NHSL3: variants seen among roughly 807,000 people sequenced by gnomAD.
NHSL3 encodes the protein NHS like 3.
At chr1:32,771,358 C>G in the NHSL3 span, 1 of 1,592,132 alleles carries the variant, frequency 6.3e-7, no homozygotes, top group Non-Finnish European at 8.6e-7. Flanking sequence ...CTCCAAAGAC[C>G]AGTCACCCCC....
chr1:32,757,295 G>A, the NHSL3 span, among the ~76,000 whole-genome samples: 1 of 152,074 alleles, frequency 6.6e-6, no homozygotes, highest in East Asian at 1.9e-4. Flanking sequence ...CAAGGGAGGA[G>A]TCTACAAAAG....
chr1:32,772,776 G>A, the NHSL3 span: 4 of 1,271,604 alleles, frequency 3.1e-6, no homozygotes, highest in South Asian at 2.4e-5. Flanking sequence ...CGGTAAGAAG[G>A]TTGGGTGAGG....
chr1:32,765,660 G>T, the NHSL3 span: 1 of 1,533,026 alleles, frequency 6.5e-7, no homozygotes, highest in Non-Finnish European at 8.7e-7. Context: ...CTGCGGCGGG[G>T]CGGGAGGGCT....
chr1:32,768,549 T>A, the NHSL3 span: 6 of 1,430,230 alleles, frequency 4.2e-6, no homozygotes, highest in East Asian at 1.4e-4. Flanking sequence ...GAGCCAAGAT[T>A]TCGCTACTGC....
chr1:32,768,241 A>AGG, the NHSL3 span: 1 of 768,784 alleles, frequency 1.3e-6, no homozygotes. Flanking sequence ...ATGAACCCTG[A>AGG]GGGCTAGTTC....
At chr1:32,742,461 C>G in the NHSL3 span, among the ~76,000 whole-genome samples, 28 of 152,366 alleles carry the variant, frequency 1.8e-4, 1 homozygote, top group South Asian at 5.8e-3. Context: ...TAGCCCGACT[C>G]CAGGGCGGTG....
the NHSL3 span, chr1:32,770,234 C>T: frequency 2.1e-5 from 34 of 1,604,376 alleles, no homozygotes; most frequent in Admixed American, 3.4e-5. This position sits in a 1 kb window ranked among gnomAD's most constrained non-coding sequence, Gnocchi z 8.3. Context: ...ACCTACCTGT[C>T]GAAGTTGATT....
the NHSL3 span, among the ~76,000 whole-genome samples, chr1:32,756,959 G>A: frequency 7.2e-5 from 11 of 152,140 alleles, no homozygotes; most frequent in Non-Finnish European, 1.3e-4. Context: ...ACAAGAACTC[G>A]ACTCCATTTC....
chr1:32,749,642 C>T, the NHSL3 span, among the ~76,000 whole-genome samples: 3 of 152,274 alleles, frequency 2.0e-5, no homozygotes, highest in Non-Finnish European at 2.9e-5. Context: ...AATGGAAAAT[C>T]GCATCCCAGA....
chr1:32,752,901 G>GCACA, the NHSL3 span, among the ~76,000 whole-genome samples: 16 of 71,628 alleles, frequency 2.2e-4, no homozygotes, highest in African/African-American at 6.9e-4. Flanking sequence ...AAAAAAACAT[G>GCACA]CACACACACA....
the NHSL3 span, chr1:32,770,295 C>T: frequency 1.2e-6 from 2 of 1,610,344 alleles, no homozygotes; most frequent in Non-Finnish European, 1.7e-6. The surrounding 1 kb of genome is among the most constrained non-coding windows in gnomAD (Gnocchi z 8.3). Flanking sequence ...TAGGCCGCTG[C>T]AGCCTGCGCA....
the NHSL3 span, among the ~76,000 whole-genome samples, chr1:32,744,740 G>T: frequency 1.3e-5 from 2 of 152,278 alleles, no homozygotes; most frequent in Middle Eastern, 3.4e-3. Context: ...ACTGTCTTGT[G>T]GGGAAGAAAG....
the NHSL3 span, chr1:32,772,113 T>C: frequency 1.9e-6 from 3 of 1,613,192 alleles, no homozygotes; most frequent in East Asian, 6.7e-5. Flanking sequence ...CCAAGGGCTC[T>C]AGGAAGCTGC....
chr1:32,772,931 C>T, the NHSL3 span: 2 of 1,601,490 alleles, frequency 1.2e-6, no homozygotes, highest in South Asian at 2.2e-5. Context: ...CCCAGAAACA[C>T]AATCTCAGGG....
chr1:32,769,661 A>G, the NHSL3 span: 1 of 1,604,626 alleles, frequency 6.2e-7, no homozygotes, highest in Admixed American at 1.7e-5. Flanking sequence ...TTCTCCCACG[A>G]CTGGCCCCCA....
chr1:32,754,658 A>C, the NHSL3 span, among the ~76,000 whole-genome samples: 1 of 152,116 alleles, frequency 6.6e-6, no homozygotes, highest in Non-Finnish European at 1.5e-5. Context: ...ACAGGTTCAT[A>C]ACTGCACAAC....
At chr1:32,749,860 C>G in the NHSL3 span, among the ~76,000 whole-genome samples, 1 of 152,046 alleles carries the variant, frequency 6.6e-6, no homozygotes, top group Non-Finnish European at 1.5e-5. Context: ...AAGCAGGGCT[C>G]CTAGCAAGGG....
the NHSL3 span, chr1:32,771,890 G>A: frequency 1.3e-6 from 2 of 1,589,756 alleles, no homozygotes; most frequent in African/African-American, 1.3e-5. Flanking sequence ...CCAGCACTGG[G>A]GCCATCGGCC....
At chr1:32,769,932 G>C in the NHSL3 span, 1 of 1,607,626 alleles carries the variant, frequency 6.2e-7, no homozygotes, top group Non-Finnish European at 8.5e-7. Flanking sequence ...CTGGTGCACG[G>C]GATGCCGTAC....
Sources: gnomAD v4.1 joint callset for allele counts (sites outside exome capture counted in the v4.1 genomes callset) on GRCh38, gnomAD v4.1.1 for gene constraint, Gnocchi (gnomAD v3.1) non-coding constraint, MANE v1.5 for transcripts, NCBI Gene and HGNC (gene_info 2026-07-23, HGNC 2026-07-21) for gene names.